GARNL3: variants seen among roughly 807,000 people sequenced by gnomAD.
GARNL3 encodes the protein GTPase activating Rap/RanGAP domain like 3, also known as GTPase-activating Rap/Ran-GAP domain-like protein 3.
Under a neutral mutation model 125.0 loss-of-function variants are expected in GARNL3, and 63 were observed. The observed-to-expected ratio is 0.50, with a 90% CI of 0.41 to 0.62. The LOEUF (loss-of-function observed/expected upper bound fraction) is 0.62, where lower values mean the gene tolerates loss of function less well. Ranked by LOEUF, GARNL3 falls within the 20% of genes least tolerant of loss-of-function variation. GARNL3 has a pLI of 0.00. For synonymous variants in GARNL3, 439 were observed against 457.5 expected (o/e 0.96, Z 0.52); for missense variants, 994 against 1,244.0 (o/e 0.80, Z 3.02).
chr9:127,259,369 G>A (rs534216269), upstream of GARNL3, among the ~76,000 whole-genome samples: 1 of 152,156 alleles, frequency 6.6e-6, no homozygotes, highest in Non-Finnish European at 1.5e-5. Flanking sequence ...GAAGCAGAAG[G>A]GTTTATATTT....
intron 1 of GARNL3, among the ~76,000 whole-genome samples, chr9:127,235,147 A>C (rs1260484588): frequency 6.6e-6 from 1 of 151,826 alleles, no homozygotes; most frequent in Non-Finnish European, 1.5e-5. Context: ...TAATTTAAAA[A>C]TTCTAGTGGC....
At position 127,333,100 on chromosome 9, in the gene GARNL3, C is replaced by A. The variant is rs754015563; in HGVS notation, c.748C>A (p.Arg250Ser). 6.2e-7 allele frequency: 1 copy of A among 1,613,858 alleles called. No individual in the cohort carries two copies. The highest frequency in any genetic ancestry group is 1.7e-5 in the Admixed American group (1 of 60,016). Residue 250 changes from arginine to serine, a missense_variant, in exon 9 of 28, where the codon CGT (arginine) becomes AGT (serine). Transcript: ENST00000373387. ...CACTCTAAAGGGCTGGACGGGCTAC[C>A]GTGGCGGTCTGGATACCAAAAGTAA... is the stretch of plus-strand genomic sequence containing the variant. ...TITLKGWTGY[R>S]GGLDTKNDTT...
intron 22 of GARNL3, among the ~76,000 whole-genome samples, chr9:127,368,033 G>C (rs1221815763): frequency 2.8e-5 from 1 of 35,210 alleles, no homozygotes; most frequent in Admixed American, 2.9e-4. Flanking sequence ...TTTTTTTTTT[G>C]AGGTGGAGTT....
Position 127,364,618 on chromosome 9 carries a change from C to A in GARNL3, c.2095-682C>A. 1 of 152,392 alleles carries A rather than the reference C, an allele frequency of 6.6e-6. No homozygotes were observed. 9.4% of individuals were successfully genotyped at this position (152,392 alleles called of 1,614,324 possible). A position where few individuals can be genotyped will look rare whatever the true frequency, so the allele number is the denominator to read the frequency against. On this transcript the variant is annotated intron_variant, in intron 21 of 27. Coordinates refer to ENST00000373387, the MANE Select transcript of GARNL3 (RefSeq NM_032293.5). This position sits in a 1 kb window ranked among gnomAD's most constrained non-coding sequence, Gnocchi z 4.2. ...TGAGGCCCAGAGAGAGGAGTTTGCC[C>A]CAGACCACGGAACTAGGTGTTCTGA...
chr9:127,269,881 C>T (rs2063784081), intron 1 of GARNL3, among the ~76,000 whole-genome samples: 1 of 145,306 alleles, frequency 6.9e-6, no homozygotes, highest in African/African-American at 2.5e-5. Context: ...TTCTTCCATT[C>T]TGTGGCTTAT....
At chr9:127,231,050 A>ATATTTTT (rs1161629810) in intron 1 of GARNL3, among the ~76,000 whole-genome samples, 29 of 89,546 alleles carry the variant, frequency 3.2e-4, no homozygotes, top group African/African-American at 2.1e-3. Flanking sequence ...ATATATATAT[A>ATATTTTT]TTTTTTTTTT....
At chr9:127,334,910 G>A (rs958461171) in intron 9 of GARNL3, among the ~76,000 whole-genome samples, 23 of 152,168 alleles carry the variant, frequency 1.5e-4, no homozygotes, top group African/African-American at 5.3e-4. Context: ...GTCATCTTGT[G>A]TTAATTTCAT....
chr9:127,243,340 C>T (rs968517419), intron 2 of GARNL3: 14 of 1,072,854 alleles, frequency 1.3e-5, no homozygotes, highest in African/African-American at 3.3e-5. Flanking sequence ...ATACTTTTTA[C>T]TTCTGGGGGG....
intron 23 of GARNL3, among the ~76,000 whole-genome samples, chr9:127,383,945 A>G (rs1443556287): frequency 6.6e-6 from 1 of 152,148 alleles, no homozygotes; most frequent in African/African-American, 2.4e-5. Flanking sequence ...CCATTGGTAT[A>G]TGTTTCATAG....
chr9:127,389,921 T>TAAA (rs1169168184), intron 26 of GARNL3, among the ~76,000 whole-genome samples: 21 of 78,688 alleles, frequency 2.7e-4, no homozygotes, highest in East Asian at 1.7e-3. Flanking sequence ...ACCCTGTCTT[T>TAAA]AAAAAAAAAA....
At position 127,342,227 on chromosome 9, in the gene GARNL3, G is replaced by A. The variant is rs1389329201; in HGVS notation, c.1144G>A (p.Gly382Ser). The A allele has an allele frequency of 6.2e-7, 1 of 1,602,874 alleles. No homozygotes were observed. The highest frequency in any genetic ancestry group is 8.5e-7 in the Non-Finnish European group (1 of 1,169,814). ...AACTTGATTTATTTTAGTAATTAAT[G>A]GTGAAAAAGCCACTTTGGAAACCCC... is the stretch of plus-strand genomic sequence containing the variant. ...RDFLLVKLINGEKATLETPTF... is the reference protein window; with the variant it reads ...RDFLLVKLINSEKATLETPTF... The change falls in exon 14 of 28, where the codon GGT becomes AGT. Residue 382 changes from glycine to serine, a missense_variant. Gly to Ser is a moderately conservative substitution (Grantham distance 56). Around this residue, in one of 5 missense-constraint regions of GARNL3, gnomAD observed 728 missense variants for 865.7 expected, o/e 0.84. Transcript: ENST00000373387.
chr9:127,243,402 G>C (rs1206753358), intron 2 of GARNL3: 4 of 503,160 alleles, frequency 7.9e-6, no homozygotes, highest in African/African-American at 6.1e-5. Flanking sequence ...CTGCATTTCT[G>C]TTCTTATTTG....
At chr9:127,329,381 T>C (rs1829079518) in intron 7 of GARNL3, among the ~76,000 whole-genome samples, 1 of 152,024 alleles carries the variant, frequency 6.6e-6, no homozygotes, top group Non-Finnish European at 1.5e-5. Flanking sequence ...GGACACATGA[T>C]CTCCCTACCT....
rs895110855 is a variant in GARNL3 at position 127,362,771 on chromosome 9, T to G, written c.2095-2529T>G. 8 of 152,350 alleles carry G rather than the reference T, an allele frequency of 5.3e-5. No individual in the cohort carries two copies. The East Asian group carries it at 1.5e-3, about 29-fold the overall frequency. The allele number at this position is 152,350 out of a possible 1,614,324, so 9.4% of individuals were successfully genotyped here. ...TATACCCATTGGTGCTGGTTCCTTA[T>G]CTAAATAAAGGTATCAGCCAACATT... On this transcript the variant is annotated intron_variant, in intron 21 of 27. Transcript: ENST00000373387.
intron 1 of GARNL3, among the ~76,000 whole-genome samples, chr9:127,273,588 C>T (rs1008797867): frequency 2.0e-5 from 3 of 152,212 alleles, no homozygotes; most frequent in East Asian, 3.8e-4. Flanking sequence ...TGGCCCCTCT[C>T]AGACTTGCTT....
chr9:127,365,560 G>T (rs1245523046), intron 22 of GARNL3, among the ~76,000 whole-genome samples, 194 bp downstream of exon 22: 1 of 152,174 alleles, frequency 6.6e-6, no homozygotes. Flanking sequence ...TGGTGACACA[G>T]TGCAAGAACT....
intron 2 of GARNL3, among the ~76,000 whole-genome samples, chr9:127,292,704 A>G (rs1009287097): frequency 7.9e-5 from 12 of 152,220 alleles, no homozygotes; most frequent in Admixed American, 3.3e-4. Flanking sequence ...CCTTCATGTG[A>G]TCCTTAATCA....
chr9:127,383,714 C>T (rs544012469), intron 23 of GARNL3, among the ~76,000 whole-genome samples, 169 bp downstream of exon 23: 25 of 152,128 alleles, frequency 1.6e-4, no homozygotes, highest in African/African-American at 6.0e-4. Context: ...TTTTTGTTCC[C>T]CTTTTGGGAC....
intron 2 of GARNL3, among the ~76,000 whole-genome samples, chr9:127,302,144 G>A (rs1259859389): frequency 2.0e-5 from 3 of 151,554 alleles, no homozygotes; most frequent in South Asian, 2.1e-4. Context: ...GGGTTTCCCC[G>A]TGTCAGCCAG....
Sources: gnomAD v4.1 joint callset for allele counts (sites outside exome capture counted in the v4.1 genomes callset) on GRCh38, gnomAD v4.1.1 for gene constraint, gnomAD v4.1.1 regional missense constraint, Gnocchi (gnomAD v3.1) non-coding constraint, MANE v1.5 for transcripts, NCBI Gene and HGNC (gene_info 2026-07-23, HGNC 2026-07-21) for gene names.